Variants in ZNF131 observed in about 807,000 individuals in gnomAD.
ZNF131 encodes the protein zinc finger and BTB domain containing 35.
In ZNF131, 7 loss-of-function variants were observed where a neutral mutation model predicts 60.0. The observed-to-expected ratio is 0.12, with a 90% CI of 0.07 to 0.22. The LOEUF is 0.22. ZNF131 is among the 10% of genes least tolerant of loss of function. The pLI is 1.00. For synonymous variants in ZNF131, 257 were observed against 253.2 expected (o/e 1.01, Z -0.14); for missense variants, 493 against 740.9 (o/e 0.67, Z 3.88).
chr5:43,153,369 A>G (rs2111783526), intron 4 of ZNF131, among the ~76,000 whole-genome samples: 1 of 149,976 alleles, frequency 6.7e-6, no homozygotes, highest in African/African-American at 2.4e-5. Flanking sequence ...TAACGCCTGT[A>G]ATCCCAGCAC....
At chr5:43,159,764 T>C (rs970706513) in intron 4 of ZNF131, among the ~76,000 whole-genome samples, 5 of 151,952 alleles carry the variant, frequency 3.3e-5, no homozygotes, top group African/African-American at 1.2e-4. Flanking sequence ...TCTTCTGGCC[T>C]GTGGCTTGCT....
intron 4 of ZNF131, among the ~76,000 whole-genome samples, chr5:43,149,416 T>C (rs185460681): frequency 6.6e-6 from 1 of 152,354 alleles, no homozygotes; most frequent in East Asian, 1.9e-4. Flanking sequence ...ATTGTATGGA[T>C]GTATCACCAT....
chr5:43,165,177 A>G (rs756157705), intron 5 of ZNF131, among the ~76,000 whole-genome samples: 1 of 149,594 alleles, frequency 6.7e-6, no homozygotes, highest in Admixed American at 6.7e-5. Flanking sequence ...GAACATAGGC[A>G]TGAGCCACCA....
chr5:43,150,898 C>T (rs536968123), intron 4 of ZNF131, among the ~76,000 whole-genome samples: 33 of 152,300 alleles, frequency 2.2e-4, no homozygotes, highest in African/African-American at 7.2e-4. Context: ...GGCACCCTGC[C>T]GTGTTGACCT....
intron 4 of ZNF131, among the ~76,000 whole-genome samples, chr5:43,149,002 G>A (rs566077922): frequency 9.9e-5 from 15 of 152,264 alleles, no homozygotes; most frequent in East Asian, 1.9e-4. Flanking sequence ...AATTCATGCC[G>A]GGCACAGTGG....
chr5:43,134,960 A>T (rs1414530149), intron 3 of ZNF131, among the ~76,000 whole-genome samples: 3 of 151,092 alleles, frequency 2.0e-5, no homozygotes, highest in African/African-American at 7.3e-5. Flanking sequence ...AGCCTCCGAA[A>T]ATGTTGGATT....
chr5:43,173,203 C>A, intron 5 of ZNF131, 115 bp from the exon 6 acceptor site: 1 of 1,089,364 alleles, frequency 9.2e-7, no homozygotes, highest in Non-Finnish European at 1.3e-6. Flanking sequence ...ATTGTGATTT[C>A]TCCTTTTAGG....
chr5:43,172,200 C>G (rs1001310899), intron 5 of ZNF131, among the ~76,000 whole-genome samples: 1 of 152,232 alleles, frequency 6.6e-6, no homozygotes, highest in Non-Finnish European at 1.5e-5. Flanking sequence ...CTGGCTGTTT[C>G]ATTTCCTTCA....
Position 43,175,307 on chromosome 5 carries a change from C to A in ZNF131, c.*174C>A. ...TTGATTCCCCTCCCCCTACTTATTG[C>A]CACAGAGGAGGGATCTTTTCCATAA... On this transcript the variant is annotated 3_prime_UTR_variant, in exon 7 of 7. Transcript: ENST00000682664. 1.4e-6 allele frequency: 1 copy of A among 716,118 alleles called. No individual in the cohort carries two copies. Among genetic ancestry groups the A allele is most frequent in the Non-Finnish European group, 2.4e-6 (1 of 424,870 alleles). The allele number at this position is 716,118 out of a possible 1,614,324, so 44.4% of individuals were successfully genotyped here.
chr5:43,136,088 A>G (rs1746047784), intron 3 of ZNF131, among the ~76,000 whole-genome samples: 1 of 152,224 alleles, frequency 6.6e-6, no homozygotes, highest in African/African-American at 2.4e-5. Context: ...CAGCTCGGGC[A>G]ACAGAGTGAG....
chr5:43,155,322 A>T (rs1057060978), intron 4 of ZNF131, among the ~76,000 whole-genome samples: 1 of 152,192 alleles, frequency 6.6e-6, no homozygotes, highest in Non-Finnish European at 1.5e-5. Context: ...GGAGAACCTC[A>T]GGGCCTGTAT....
chr5:43,121,156 G>A (rs1380200404), intron 1 of ZNF131, 33 bp downstream of exon 1: 1 of 153,714 alleles, frequency 6.5e-6, no homozygotes, highest in South Asian at 2.0e-4. Flanking sequence ...TCGGAAGGAA[G>A]GGGGCGGGGC....
intron 3 of ZNF131, among the ~76,000 whole-genome samples, chr5:43,127,319 G>C (rs1383169129): frequency 6.6e-6 from 1 of 152,152 alleles, no homozygotes; most frequent in African/African-American, 2.4e-5. Flanking sequence ...TCAGGAGTAG[G>C]ATCCAGAAAA....
intron 4 of ZNF131, among the ~76,000 whole-genome samples, chr5:43,148,333 C>T (rs1348842577): frequency 2.0e-5 from 3 of 152,100 alleles, no homozygotes; most frequent in South Asian, 4.1e-4. Context: ...GAGTAGTGAT[C>T]GTGCTGCTGC....
chr5:43,160,678 C>CTTTTTTTTTT (rs71608692), intron 4 of ZNF131, among the ~76,000 whole-genome samples: 3,871 of 92,924 alleles, frequency 0.042, 242 homozygotes, highest in Non-Finnish European at 0.063. Flanking sequence ...TAGCTTGGAA[C>CTTTTTTTTTT]TTTTTTTTTT....
chr5:43,162,818 T>C (rs1187531775), intron 5 of ZNF131, among the ~76,000 whole-genome samples: 1 of 147,128 alleles, frequency 6.8e-6, no homozygotes, highest in Non-Finnish European at 1.5e-5. Flanking sequence ...GGCCGGAGAA[T>C]TGCTTGAACC....
At chr5:43,128,758 ACTTT>A (rs1286490637) in intron 3 of ZNF131, among the ~76,000 whole-genome samples, 4 of 151,100 alleles carry the variant, frequency 2.6e-5, no homozygotes, top group Non-Finnish European at 4.4e-5. Context: ...AGGTACCAGT[ACTTT>A]CTTTTTGGAG....
At chr5:43,173,875 T>C (rs1436674205) in intron 6 of ZNF131, among the ~76,000 whole-genome samples, 2 of 152,220 alleles carry the variant, frequency 1.3e-5, no homozygotes, top group African/African-American at 2.4e-5. Context: ...AATATTGTTA[T>C]GTTTCTAGAA....
chr5:43,174,769 T>C lies in ZNF131; in HGVS notation c.1508T>C (p.Leu503Pro), dbSNP rs563302128. ...VTVEQVHPDLLQDSQVHDSHM... is the reference protein window; with the variant it reads ...VTVEQVHPDLPQDSQVHDSHM... ...GTGGAACAAGTCCATCCAGATCTGCTCCAGGACAGCCAGGTGCACGATTCA... is the reference window on the plus strand; with the variant it reads ...GTGGAACAAGTCCATCCAGATCTGCCCCAGGACAGCCAGGTGCACGATTCA... Residue 503 changes from leucine to proline, a missense_variant, in exon 7 of 7, where the codon CTC (leucine) becomes CCC (proline). Around this residue, in one of 7 missense-constraint regions of ZNF131, gnomAD observed 202 missense variants for 221.3 expected, o/e 0.91. Coordinates refer to ENST00000682664, the MANE Select transcript of ZNF131 (RefSeq NM_001330707.2). 6 of 1,614,120 alleles carry C rather than the reference T, an allele frequency of 3.7e-6. No individual in the cohort carries two copies. In the Admixed American group the frequency reaches 8.3e-5, roughly 22 times the overall value.
Sources: allele counts gnomAD v4.1 joint callset (sites outside exome capture counted in the v4.1 genomes callset), GRCh38; gene constraint gnomAD v4.1.1; regional missense constraint gnomAD v4.1.1; transcripts MANE v1.5; gene names NCBI Gene and HGNC (gene_info 2026-07-23, HGNC 2026-07-21).